IMMP2L: variants seen among roughly 807,000 people sequenced by gnomAD.
The protein encoded by IMMP2L is inner mitochondrial membrane peptidase subunit 2.
IMMP2L carries 18 observed loss-of-function variants against 19.3 expected under a neutral mutation model. The observed-to-expected ratio is 0.93, with a 90% CI of 0.64 to 1.38. The LOEUF (loss-of-function observed/expected upper bound fraction) is 1.38. Ranked by LOEUF, IMMP2L falls within the 40% of genes most tolerant of loss-of-function variation. The probability of loss-of-function intolerance (pLI) is 0.00; values close to 1 mark genes in which losing one functional copy is unlikely to be tolerated. For synonymous variants in IMMP2L, 76 were observed against 73.0 expected (o/e 1.04, Z -0.21); for missense variants, 233 against 218.2 (o/e 1.07, Z -0.43).
chr7:111,557,760 T>C (rs1453312984), intron 1 of IMMP2L, among the ~76,000 whole-genome samples: 1 of 152,140 alleles, frequency 6.6e-6, no homozygotes, highest in Non-Finnish European at 1.5e-5. Context: ...CATCTTTATA[T>C]CCTCCTAACT....
At chr7:111,397,957 C>G (rs192270439) in intron 3 of IMMP2L, among the ~76,000 whole-genome samples, 1 of 152,106 alleles carries the variant, frequency 6.6e-6, no homozygotes, top group South Asian at 2.1e-4. Context: ...TGAAATAATT[C>G]ATTTATACTT....
chr7:110,740,898 TATA>T (rs1224727407), intron 5 of IMMP2L, among the ~76,000 whole-genome samples: 2 of 149,544 alleles, frequency 1.3e-5, no homozygotes, highest in Non-Finnish European at 3.0e-5. Flanking sequence ...GAACTTACAG[TATA>T]ATAATAAAAA....
intron 1 of IMMP2L, among the ~76,000 whole-genome samples, chr7:111,547,195 C>T (rs1841696983): frequency 6.6e-6 from 1 of 152,146 alleles, no homozygotes; most frequent in Non-Finnish European, 1.5e-5. Context: ...ATTCAAATAT[C>T]AAATATACTC....
intron 3 of IMMP2L, among the ~76,000 whole-genome samples, chr7:111,069,428 G>A (rs1794770345): frequency 6.6e-6 from 1 of 152,186 alleles, no homozygotes; most frequent in Admixed American, 6.5e-5. Flanking sequence ...CTGAAACTGA[G>A]TGAGTTTTTA....
chr7:111,090,427 A>T (rs1796737948), intron 3 of IMMP2L, among the ~76,000 whole-genome samples: 2 of 152,086 alleles, frequency 1.3e-5, no homozygotes, highest in Non-Finnish European at 2.9e-5. Flanking sequence ...ACACCTACAC[A>T]TGTACCCATT....
At chr7:111,498,340 T>C (rs1022682157) in intron 2 of IMMP2L, among the ~76,000 whole-genome samples, 1 of 152,162 alleles carries the variant, frequency 6.6e-6, no homozygotes, top group South Asian at 2.1e-4. Context: ...AAATATAAAA[T>C]TTATATAAAC....
chr7:111,216,651 C>T (rs557365685), intron 3 of IMMP2L, among the ~76,000 whole-genome samples: 7 of 152,084 alleles, frequency 4.6e-5, no homozygotes, highest in Non-Finnish European at 1.0e-4. Flanking sequence ...TTCCTCCTGT[C>T]TACCTGAATT....
chr7:110,986,285 C>A (rs1363535642), intron 3 of IMMP2L, among the ~76,000 whole-genome samples: 61 of 152,134 alleles, frequency 4.0e-4, no homozygotes, highest in Admixed American at 4.0e-3. Context: ...GTTACACCAA[C>A]TTCCTACCCC....
chr7:111,485,714 T>C (rs1015653768), intron 3 of IMMP2L, among the ~76,000 whole-genome samples: 6 of 148,362 alleles, frequency 4.0e-5, no homozygotes, highest in African/African-American at 1.5e-4. Flanking sequence ...TAAATATCAA[T>C]CACTATGAAT....
chr7:111,506,388 C>G lies in IMMP2L; in HGVS notation c.135+14925G>C, dbSNP rs185258599. Among the ~76,000 whole-genome samples, 955 of 152,110 alleles carry G rather than the reference C, an allele frequency of 6.3e-3. 12 individuals are homozygous for G. The highest frequency in any genetic ancestry group is 0.02 in the African/African-American group (844 of 41,494). ...CTAGTTGGGGCTCATTCCATTCCCC[C>G]CAAAACTACATCCATATCTTCCTTC... is the stretch of plus-strand genomic sequence containing the variant. On this transcript the variant is annotated intron_variant, in intron 2 of 5. Transcript: ENST00000405709.
chr7:110,834,878 T>C (rs985225083), intron 5 of IMMP2L, among the ~76,000 whole-genome samples: 1 of 152,114 alleles, frequency 6.6e-6, no homozygotes, highest in African/African-American at 2.4e-5. Context: ...CACAACTTGG[T>C]TCTCATGAAA....
intron 5 of IMMP2L, among the ~76,000 whole-genome samples, chr7:110,810,305 CTT>C (rs1432897098): frequency 1.3e-5 from 2 of 152,174 alleles, no homozygotes; most frequent in East Asian, 1.9e-4. Flanking sequence ...TAAAAAGACT[CTT>C]AACATTTCAA....
chr7:110,746,143 T>C (rs1172193137), intron 5 of IMMP2L, among the ~76,000 whole-genome samples: 1 of 151,772 alleles, frequency 6.6e-6, no homozygotes, highest in Admixed American at 6.6e-5. Flanking sequence ...CCAACAAAGA[T>C]CAAAACAGAC....
chr7:110,910,502 T>C (rs1021942548), intron 4 of IMMP2L, among the ~76,000 whole-genome samples: 1 of 152,170 alleles, frequency 6.6e-6, no homozygotes, highest in Admixed American at 6.5e-5. Context: ...TTTTCATTAA[T>C]AGAAGCGTTG....
intron 3 of IMMP2L, among the ~76,000 whole-genome samples, chr7:111,365,470 T>A (rs954627709): frequency 6.6e-6 from 1 of 152,106 alleles, no homozygotes; most frequent in Non-Finnish European, 1.5e-5. Context: ...GTCCTGACAT[T>A]CATATGAAGA....
intron 3 of IMMP2L, among the ~76,000 whole-genome samples, chr7:111,398,001 T>C (rs929294331): frequency 3.3e-5 from 5 of 152,198 alleles, no homozygotes; most frequent in Non-Finnish European, 7.4e-5. Context: ...CATTTAATAT[T>C]ATTTCTATAT....
In IMMP2L at chr7:111,539,194, G is replaced by GGAAGGAAGGAAGGAAGGAAGGAA. The variant is rs1563330607; in HGVS notation, c.-2-17746_-2-17745insTTCCTTCCTTCCTTCCTTCCTTC. On this transcript the variant is annotated intron_variant, in intron 1 of 5. Coordinates refer to ENST00000405709, the MANE Select transcript of IMMP2L (RefSeq NM_032549.4). Reference sequence around the variant, plus strand: ...AAGGAAGGAAGGAAGGAAGGAAGGAGGGAGAAAGAAAGAAAGAAAGAAAGA... The same window carrying GGAAGGAAGGAAGGAAGGAAGGAA: ...AAGGAAGGAAGGAAGGAAGGAAGGAGGAAGGAAGGAAGGAAGGAAGGAAGGAGAAAGAAAGAAAGAAAGAAAGA... Among the ~76,000 whole-genome samples, 2 of 60,930 alleles carry GGAAGGAAGGAAGGAAGGAAGGAA rather than the reference G, an allele frequency of 3.3e-5. 1 individual carries two copies. Among genetic ancestry groups the GGAAGGAAGGAAGGAAGGAAGGAA allele is most frequent in the Non-Finnish European group, 6.2e-5 (2 of 32,142 alleles). The allele number at this position is 60,930 out of a possible 152,430, so 40.0% of individuals were successfully genotyped here.
At chr7:111,516,672 C>A (rs1346842039) in intron 2 of IMMP2L, among the ~76,000 whole-genome samples, 2 of 152,090 alleles carry the variant, frequency 1.3e-5, no homozygotes, top group Non-Finnish European at 1.5e-5. Context: ...TTCAGGAACA[C>A]ACGTTTGTTG....
At chr7:111,420,090 G>A (rs1176957329) in intron 3 of IMMP2L, among the ~76,000 whole-genome samples, 5 of 151,722 alleles carry the variant, frequency 3.3e-5, no homozygotes, top group African/African-American at 1.2e-4. Context: ...TACATTACAT[G>A]TTATATATAT....
Sources: gnomAD v4.1 joint callset for allele counts (sites outside exome capture counted in the v4.1 genomes callset) on GRCh38, gnomAD v4.1.1 for gene constraint, MANE v1.5 for transcripts, NCBI Gene and HGNC (gene_info 2026-07-23, HGNC 2026-07-21) for gene names.